SIPA1L3: variants seen among roughly 807,000 people sequenced by gnomAD.
SIPA1L3 encodes the protein signal induced proliferation associated 1 like 3, also known as signal-induced proliferation-associated 1-like protein 3.
Under a neutral mutation model 150.1 loss-of-function variants are expected in SIPA1L3, and 59 were observed. That is an observed-to-expected ratio of 0.39 (90% CI 0.32 to 0.49). SIPA1L3 has a LOEUF of 0.49. Ranked by LOEUF, SIPA1L3 falls within the 20% of genes least tolerant of loss-of-function variation. The pLI is 0.86. For synonymous variants in SIPA1L3, 1,070 were observed against 1,077.6 expected, an observed-to-expected ratio of 0.99 and a Z score of 0.14; for missense variants, 2,211 against 2,489.5, an observed-to-expected ratio of 0.89 and a Z score of 2.38.
chr19:37,979,859 C>T (rs1334565760), intron 1 of SIPA1L3, among the ~76,000 whole-genome samples: 2 of 152,250 alleles, frequency 1.3e-5, no homozygotes, highest in African/African-American at 2.4e-5. Flanking sequence ...AGCCCAGCTG[C>T]AAGCCGTGGG....
At position 38,082,070 on chromosome 19, in the gene SIPA1L3, C is replaced by CGCA; in HGVS notation, c.514_516dup (p.Ser172dup). Reference sequence around the variant, plus strand: ...CAGGGCCTTCCTCCCCCTTCGGCACCGCAGCAGCAGCGAGATCACCCTCAG... The same window carrying CGCA: ...CAGGGCCTTCCTCCCCCTTCGGCACCGCAGCAGCAGCAGCGAGATCACCCTCAG... On this transcript the variant is annotated inframe_insertion, in exon 3 of 22. Transcript: ENST00000222345. 2 of 1,612,788 alleles carry CGCA rather than the reference C, an allele frequency of 1.2e-6. No individual in the cohort carries two copies. The highest frequency in any genetic ancestry group is 2.2e-5 in the East Asian group (1 of 44,880).
chr19:37,938,585 T>A (rs2145517026), intron 1 of SIPA1L3, among the ~76,000 whole-genome samples: 1 of 152,204 alleles, frequency 6.6e-6, no homozygotes, highest in South Asian at 2.1e-4. Flanking sequence ...GGATATTGCT[T>A]GCTCATCACA....
intron 2 of SIPA1L3, among the ~76,000 whole-genome samples, chr19:38,074,881 C>T (rs1316446248): frequency 6.6e-6 from 1 of 152,240 alleles, no homozygotes; most frequent in Non-Finnish European, 1.5e-5. Context: ...TACAGGCATA[C>T]GCCACCACGC....
At chr19:38,109,710 C>G (rs1432632045) in intron 7 of SIPA1L3, 1 of 162,934 alleles carries the variant, frequency 6.1e-6, no homozygotes, top group Non-Finnish European at 1.4e-5. Flanking sequence ...ACTGAGGATA[C>G]AGCAGTTGGC....
chr19:37,940,947 A>G lies in SIPA1L3; in HGVS notation c.-379+33589A>G, dbSNP rs867726347. Among the ~76,000 whole-genome samples, 6 of 152,180 alleles carry G rather than the reference A, an allele frequency of 3.9e-5. No homozygotes were observed. In the South Asian group the frequency reaches 8.3e-4, roughly 21 times the overall value. ...AAAGGCCATGTCATTTGTCCTGTAT[A>G]TGATCAGGCCTGGATCTGACCGATC... On this transcript the variant is annotated intron_variant, in intron 1 of 21. Transcript: ENST00000222345.
At chr19:38,027,944 G>A (rs1418150066) in intron 1 of SIPA1L3, among the ~76,000 whole-genome samples, 1 of 151,968 alleles carries the variant, frequency 6.6e-6, no homozygotes, top group African/African-American at 2.4e-5. Context: ...TTGGGTGATC[G>A]GGAGAGTGAA....
intron 1 of SIPA1L3, among the ~76,000 whole-genome samples, chr19:37,933,704 AGT>A (rs2145505109): frequency 6.6e-6 from 1 of 152,270 alleles, no homozygotes; most frequent in East Asian, 1.9e-4. Context: ...CTGGTCACCC[AGT>A]GGCTCTCTGG....
chr19:37,939,076 A>G (rs1225770840), intron 1 of SIPA1L3, among the ~76,000 whole-genome samples: 1 of 152,000 alleles, frequency 6.6e-6, no homozygotes, highest in Non-Finnish European at 1.5e-5. Context: ...TCTCCCCCCA[A>G]TTCCATGATA....
intron 1 of SIPA1L3, among the ~76,000 whole-genome samples, chr19:37,935,415 A>T (rs1382750742): frequency 3.3e-5 from 5 of 152,332 alleles, no homozygotes; most frequent in Middle Eastern, 3.4e-3. Context: ...TGTGTTCAGG[A>T]AACTTGTACA....
intron 16 of SIPA1L3, among the ~76,000 whole-genome samples, chr19:38,188,906 G>A (rs1040960613): frequency 2.3e-4 from 34 of 148,608 alleles, no homozygotes; most frequent in African/African-American, 8.0e-4. Flanking sequence ...CTGGGAGACA[G>A]CGAGACTCCG....
chr19:37,949,046 A>G (rs953417932), intron 1 of SIPA1L3, among the ~76,000 whole-genome samples: 2 of 152,236 alleles, frequency 1.3e-5, no homozygotes, highest in Non-Finnish European at 2.9e-5. Context: ...TGAAAATAAC[A>G]GAAACCCACC....
intron 18 of SIPA1L3, among the ~76,000 whole-genome samples, chr19:38,197,079 C>T (rs992756924): frequency 2.0e-5 from 3 of 152,144 alleles, no homozygotes; most frequent in Admixed American, 2.0e-4. Flanking sequence ...GGCAGCGCCT[C>T]GCTCGGGTCT....
intron 3 of SIPA1L3, among the ~76,000 whole-genome samples, chr19:38,085,476 T>C: frequency 8.6e-6 from 1 of 116,334 alleles, no homozygotes; most frequent in African/African-American, 3.8e-5. Context: ...TGAGACTCCG[T>C]CTCAAAAAAA....
At chr19:38,067,151 A>C (rs1394847088) in intron 2 of SIPA1L3, among the ~76,000 whole-genome samples, 2 of 152,046 alleles carry the variant, frequency 1.3e-5, no homozygotes, top group African/African-American at 4.8e-5. Flanking sequence ...AGGCAGGAGG[A>C]TCACTTGAGC....
chr19:38,189,909 C>G (rs1216445878), intron 16 of SIPA1L3, among the ~76,000 whole-genome samples: 1 of 152,094 alleles, frequency 6.6e-6, no homozygotes, highest in Non-Finnish European at 1.5e-5. Context: ...TTTCACATGA[C>G]GTCGTATCTG....
intron 17 of SIPA1L3, 133 bp downstream of exon 17, chr19:38,192,443 T>G: frequency 1.2e-6 from 1 of 814,422 alleles, no homozygotes; most frequent in Non-Finnish European, 1.9e-6. Flanking sequence ...GCCTTTGGCA[T>G]CTGCCAGTCC....
At chr19:38,129,448 A>T (rs1046652739) in intron 9 of SIPA1L3, among the ~76,000 whole-genome samples, 2 of 151,024 alleles carry the variant, frequency 1.3e-5, no homozygotes, top group African/African-American at 4.9e-5. Context: ...ATATGGTGAA[A>T]CCCCGTCTCT....
Position 38,105,358 on chromosome 19 carries a change from CTG to C in SIPA1L3, c.2030-1177_2030-1176del, listed in dbSNP as rs372658652. Among the ~76,000 whole-genome samples, 9 of 150,372 alleles carry C rather than the reference CTG, an allele frequency of 6.0e-5. No homozygotes were observed. In the East Asian group the frequency reaches 1.8e-3, roughly 30 times the overall value. ...CCAGCCTAGGTGACAGAGTGAAACT[CTG>C]TCTCAAAAAAAAAAAAAAGAACAGA... On this transcript the variant is annotated intron_variant, in intron 6 of 21. Transcript: ENST00000222345.
At chr19:38,118,722 C>T (rs575598452) in intron 8 of SIPA1L3, among the ~76,000 whole-genome samples, 84 of 151,876 alleles carry the variant, frequency 5.5e-4, no homozygotes, top group African/African-American at 1.7e-3. Context: ...TTAGTACAGA[C>T]GGGGCTTTAC....
Sources: allele counts gnomAD v4.1 joint callset (sites outside exome capture counted in the v4.1 genomes callset), GRCh38; gene constraint gnomAD v4.1.1; transcripts MANE v1.5; gene names NCBI Gene and HGNC (gene_info 2026-07-23, HGNC 2026-07-21).